DNAL4: variants seen among roughly 807,000 people sequenced by gnomAD.
DNAL4 encodes the protein dynein light chain, outer arm 4.
Under a neutral mutation model 12.6 loss-of-function variants are expected in DNAL4, and 10 were observed. The ratio of observed to expected loss-of-function variants is 0.79; its 90% CI spans 0.49 to 1.34. The LOEUF (loss-of-function observed/expected upper bound fraction) is 1.34, where lower values mean the gene tolerates loss of function less well. Ranked by LOEUF, DNAL4 falls within the 40% of genes most tolerant of loss-of-function variation. The pLI, the probability that DNAL4 is intolerant of heterozygous loss-of-function variation, is 0.00. For synonymous variants in DNAL4, 46 were observed against 53.1 expected (o/e 0.87, Z 0.58); for missense variants, 128 against 138.1 (o/e 0.93, Z 0.37).
Position 38,782,088 on chromosome 22 carries a change from G to T in DNAL4, c.69+575C>A, listed in dbSNP as rs1362770710. ...TTCTTCACTGTGGCTGGCCAGGCCTGTAGGGTCTGGCCCCACTGGTGCTGT... is the reference window on the plus strand; with the variant it reads ...TTCTTCACTGTGGCTGGCCAGGCCTTTAGGGTCTGGCCCCACTGGTGCTGT... On this transcript the variant is annotated intron_variant, in intron 2 of 3. Transcript: ENST00000216068. The surrounding 1 kb of genome is among the most constrained non-coding windows in gnomAD (Gnocchi z 5.1). Among the ~76,000 whole-genome samples, 1 of 152,246 alleles carries T rather than the reference G, an allele frequency of 6.6e-6. No individual in the cohort carries two copies. The highest frequency in any genetic ancestry group is 1.5e-5 in the Non-Finnish European group (1 of 68,036).
intron 1 of DNAL4, among the ~76,000 whole-genome samples, chr22:38,788,493 G>A (rs186272320): frequency 6.6e-6 from 1 of 151,984 alleles, no homozygotes; most frequent in South Asian, 2.1e-4. Context: ...GAGGAGGGAG[G>A]GAGAGAAGAG....
At chr22:38,791,107 C>A (rs893206381) in intron 1 of DNAL4, among the ~76,000 whole-genome samples, 1 of 149,676 alleles carries the variant, frequency 6.7e-6, no homozygotes, top group Non-Finnish European at 1.5e-5. Flanking sequence ...GCGGAGGTTG[C>A]AGTGAGCAGA....
At chr22:38,780,763 A>C (rs1311186867) in intron 3 of DNAL4, 163 bp downstream of exon 3, 16 of 676,212 alleles carry the variant, frequency 2.4e-5, no homozygotes, top group South Asian at 2.3e-4. Flanking sequence ...AGTCAGCGCC[A>C]GCCTCTCACT....
chr22:38,784,261 G>A (rs5757283), intron 1 of DNAL4, among the ~76,000 whole-genome samples: 22 of 152,282 alleles, frequency 1.4e-4, no homozygotes, highest in Non-Finnish European at 2.9e-5. Context: ...CGGTTCTGTA[G>A]GGACAGAGGC....
chr22:38,784,352 G>A (rs955309742), intron 1 of DNAL4, among the ~76,000 whole-genome samples: 4 of 152,006 alleles, frequency 2.6e-5, no homozygotes, highest in East Asian at 1.9e-4. Context: ...CCCGGCTGTC[G>A]GCATGGGCAC....
intron 1 of DNAL4, among the ~76,000 whole-genome samples, chr22:38,792,842 G>A (rs1311107165): frequency 6.6e-6 from 1 of 152,148 alleles, no homozygotes; most frequent in Non-Finnish European, 1.5e-5. Flanking sequence ...TAAGTAGGAG[G>A]AGTGTACACT....
At chr22:38,793,746 G>T (rs1433782194) in intron 1 of DNAL4, among the ~76,000 whole-genome samples, 2 of 152,152 alleles carry the variant, frequency 1.3e-5, no homozygotes, top group African/African-American at 4.8e-5. Context: ...ATTACTCCGC[G>T]AAAGGTCGAG....
intron 1 of DNAL4, chr22:38,785,397 T>C (rs902903031): frequency 6.6e-6 from 1 of 152,172 alleles, no homozygotes; most frequent in Admixed American, 6.5e-5. Context: ...ACTGAGATGT[T>C]TCCATTTGAT....
chr22:38,778,529 T>C lies in DNAL4; in HGVS notation c.*920A>G, dbSNP rs973038656. 1.2e-4 allele frequency: 19 copies of C among 152,668 alleles called. No individual in the cohort carries two copies. Among genetic ancestry groups the C allele is most frequent in the African/African-American group, 4.6e-4 (19 of 41,462 alleles). 9.5% of individuals were successfully genotyped at this position (152,668 alleles called of 1,614,324 possible). Reference sequence around the variant, plus strand: ...GAGGTCAGTTTTTGGTCATTTTAATTGTAAAAACCAAGACATTTATATAAA... The same window carrying C: ...GAGGTCAGTTTTTGGTCATTTTAATCGTAAAAACCAAGACATTTATATAAA... On this transcript the variant is annotated 3_prime_UTR_variant, in exon 4 of 4. Transcript: ENST00000216068.
At position 38,782,534 on chromosome 22, in the gene DNAL4, T is replaced by C. The variant is rs998656137; in HGVS notation, c.69+129A>G. 2 of 849,574 alleles carry C rather than the reference T, an allele frequency of 2.4e-6. No homozygotes were observed. The highest frequency in any genetic ancestry group is 1.9e-6 in the Non-Finnish European group (1 of 537,546). 52.6% of individuals were successfully genotyped at this position (849,574 alleles called of 1,614,324 possible). The stretch of plus-strand genomic sequence containing the variant: ...GAATCACTGTCAACTCCAAGATGTC[T>C]AGGTCTGAGCCAGCAGAGCCCTTCT... On this transcript the variant is annotated intron_variant, in intron 2 of 3. Transcript: ENST00000216068. This position sits in a 1 kb window ranked among gnomAD's most constrained non-coding sequence, Gnocchi z 5.1.
In DNAL4 at chr22:38,781,016, A is replaced by T; in HGVS notation, c.70-7T>A. 5 of 1,613,958 alleles carry T rather than the reference A, an allele frequency of 3.1e-6. No homozygotes were observed. Among genetic ancestry groups the T allele is most frequent in the Non-Finnish European group, 4.2e-6 (5 of 1,179,914 alleles). ...CCTCTGGCATGTCCGAGTGCTAGAG[A>T]CAGGGCAGGGGTAACAAACAAGAGA... On this transcript the variant is annotated splice_region_variant and splice_polypyrimidine_tract_variant and intron_variant, in intron 2 of 3. Transcript: ENST00000216068.
Position 38,782,653 on chromosome 22 carries a change from T to C in DNAL4, c.69+10A>G, listed in dbSNP as rs1236848833. The C allele has an allele frequency of 1.2e-6, 2 of 1,612,688 alleles. No homozygotes were observed. The highest frequency in any genetic ancestry group is 2.2e-5 in the South Asian group (2 of 90,846). On this transcript the variant is annotated intron_variant, in intron 2 of 3. Transcript: ENST00000216068. The surrounding 1 kb of genome is among the most constrained non-coding windows in gnomAD (Gnocchi z 5.1). ...TGCCGGCAGTCCTGCCTCCCTCCCC[T>C]GGGGCTTACCCTGACCAGAGGGAAG...
chr22:38,786,280 T>C (rs1020719527), intron 1 of DNAL4, among the ~76,000 whole-genome samples: 2 of 152,192 alleles, frequency 1.3e-5, no homozygotes, highest in East Asian at 1.9e-4. Flanking sequence ...TAATTGTGGC[T>C]GGGTGCAGTG....
intron 2 of DNAL4, among the ~76,000 whole-genome samples, chr22:38,781,425 ATTTCCTT>A (rs2093034169): frequency 1.3e-5 from 2 of 151,508 alleles, no homozygotes; most frequent in African/African-American, 4.9e-5. Context: ...GATCTGCTGG[ATTTCCTT>A]CCTCCTCCCA....
In DNAL4 at chr22:38,778,622, T is replaced by C. The variant is rs374998643; in HGVS notation, c.*827A>G. 14 of 152,668 alleles carry C rather than the reference T, an allele frequency of 9.2e-5. No individual in the cohort carries two copies. The highest frequency in any genetic ancestry group is 6.5e-4 in the Admixed American group (10 of 15,284). 9.5% of individuals were successfully genotyped at this position (152,668 alleles called of 1,614,324 possible). On this transcript the variant is annotated 3_prime_UTR_variant, in exon 4 of 4. Transcript: ENST00000216068. ...CCTTTTCCCACACTCGAAAAGAACATAGAAAACCCAGCAGAGAGCAGTACA... is the reference window on the plus strand; with the variant it reads ...CCTTTTCCCACACTCGAAAAGAACACAGAAAACCCAGCAGAGAGCAGTACA...
intron 3 of DNAL4, chr22:38,780,685 G>A: frequency 2.0e-6 from 1 of 510,178 alleles, no homozygotes; most frequent in Admixed American, 3.4e-5. Context: ...AGGGAACATG[G>A]GCAGGGGCGT....
chr22:38,790,593 AT>A (rs2093049054), intron 1 of DNAL4, among the ~76,000 whole-genome samples: 1 of 152,190 alleles, frequency 6.6e-6, no homozygotes, highest in African/African-American at 2.4e-5. Flanking sequence ...TCACCAAGTC[AT>A]GGGCTATCGG....
At chr22:38,780,492 A>G (rs1433179736) in intron 3 of DNAL4, among the ~76,000 whole-genome samples, 1 of 152,158 alleles carries the variant, frequency 6.6e-6, no homozygotes, top group African/African-American at 2.4e-5. Flanking sequence ...TCCCCACCAG[A>G]TTGATGAATG....
chr22:38,783,278 CTACAT>C, intron 1 of DNAL4, among the ~76,000 whole-genome samples: 1 of 143,652 alleles, frequency 7.0e-6, no homozygotes, highest in Non-Finnish European at 1.5e-5. Flanking sequence ...TTCCCTCCCA[CTACAT>C]ACACGGGCCT....
Sources: allele counts gnomAD v4.1 joint callset (sites outside exome capture counted in the v4.1 genomes callset), GRCh38; gene constraint gnomAD v4.1.1; non-coding constraint Gnocchi (gnomAD v3.1); transcripts MANE v1.5; gene names NCBI Gene and HGNC (gene_info 2026-07-23, HGNC 2026-07-21).